The following CPNE4 variants were observed in gnomAD, a reference collection of about 807,000 sequenced individuals.
CPNE4 encodes copine-4.
A neutral mutation model predicts 67.9 loss-of-function variants in CPNE4; 25 were observed. The ratio of observed to expected loss-of-function variants is 0.37; its 90% confidence interval spans 0.27 to 0.51. The LOEUF is 0.51. Among genes scored for constraint, CPNE4 ranks in the 20% least tolerant of loss-of-function variants. The pLI, the probability that CPNE4 is intolerant of heterozygous loss-of-function variation, is 0.93. For missense variants in CPNE4, 464 were observed against 690.8 expected, an observed-to-expected ratio of 0.67 and a Z score of 3.68; for synonymous variants, 242 against 244.9, an observed-to-expected ratio of 0.99 and a Z score of 0.11.
rs558631046 is a variant in CPNE4 at position 131,664,175 on chromosome 3, A to C, written c.681+5500T>G. ...TCAGGGTGCTTATATGGTGTTTGTCAAGATTGTTCTGGCATGACAGTTTTC... is the reference window on the plus strand; with the variant it reads ...TCAGGGTGCTTATATGGTGTTTGTCCAGATTGTTCTGGCATGACAGTTTTC... On this transcript the variant is annotated intron_variant, in intron 7 of 15. Coordinates refer to ENST00000429747, the MANE Select transcript of CPNE4 (RefSeq NM_130808.3). 5.9e-5 allele frequency among the ~76,000 whole-genome samples: 9 copies of C among 152,296 alleles called. 1 individual carries two copies. Among genetic ancestry groups the C allele is most frequent in the Admixed American group, 3.3e-4 (5 of 15,274 alleles).
intron 13 of CPNE4, among the ~76,000 whole-genome samples, chr3:131,550,963 A>G (rs1388056491): frequency 6.6e-6 from 1 of 152,108 alleles, no homozygotes; most frequent in Non-Finnish European, 1.5e-5. Flanking sequence ...TCCCACAGCA[A>G]TAATCTCATT....
intron 1 of CPNE4, among the ~76,000 whole-genome samples, chr3:132,005,284 A>G (rs1160647041): frequency 2.1e-5 from 3 of 143,652 alleles, no homozygotes; most frequent in African/African-American, 7.7e-5. Flanking sequence ...GTCACCAAAA[A>G]ACAACAAAAC....
intron 14 of CPNE4, among the ~76,000 whole-genome samples, chr3:131,543,569 A>G (rs1935644123): frequency 6.6e-6 from 1 of 152,232 alleles, no homozygotes; most frequent in Non-Finnish European, 1.5e-5. Flanking sequence ...ATAGAATGCA[A>G]ATTATTTCAT....
At chr3:131,558,020 C>G (rs1936558253) in intron 11 of CPNE4, among the ~76,000 whole-genome samples, 1 of 151,894 alleles carries the variant, frequency 6.6e-6, no homozygotes, top group South Asian at 2.1e-4. Context: ...CTATGGTGTT[C>G]TAGCGTTAAT....
chr3:131,748,850 CTCTT>C (rs1161763373), intron 2 of CPNE4, among the ~76,000 whole-genome samples: 1 of 152,010 alleles, frequency 6.6e-6, no homozygotes, highest in African/African-American at 2.4e-5. Flanking sequence ...TGTGTCTTCT[CTCTT>C]TTTTTATTTC....
intron 1 of CPNE4, among the ~76,000 whole-genome samples, chr3:131,911,546 TGTG>T (rs2088976374): frequency 7.5e-5 from 1 of 13,420 alleles, no homozygotes; most frequent in African/African-American, 2.3e-4. Flanking sequence ...CTCCAAGTTG[TGTG>T]TGTGTGTGTG....
At chr3:131,788,171 T>A (rs1490681309) in intron 2 of CPNE4, among the ~76,000 whole-genome samples, 1 of 151,978 alleles carries the variant, frequency 6.6e-6, no homozygotes, top group Non-Finnish European at 1.5e-5. Flanking sequence ...AACCTCCATA[T>A]ACAAGAAAAA....
At chr3:131,852,586 T>A (rs1032021617) in intron 2 of CPNE4, among the ~76,000 whole-genome samples, 6 of 151,932 alleles carry the variant, frequency 3.9e-5, no homozygotes, top group Non-Finnish European at 7.4e-5. Flanking sequence ...AATAAACATC[T>A]GTTCTGAAGA....
chr3:131,563,879 A>G (rs1936919917), intron 11 of CPNE4, among the ~76,000 whole-genome samples: 1 of 152,068 alleles, frequency 6.6e-6, no homozygotes, highest in Non-Finnish European at 1.5e-5. Flanking sequence ...GATCTTGTTA[A>G]ATGCAGATTC....
chr3:131,851,076 GA>G (rs1342775516), intron 2 of CPNE4, among the ~76,000 whole-genome samples: 3 of 146,060 alleles, frequency 2.1e-5, no homozygotes, highest in Non-Finnish European at 4.5e-5. Flanking sequence ...GGAATGTACT[GA>G]AAAAATGTGC....
chr3:131,801,452 G>GTGTGTATATATATA (rs761978890), intron 2 of CPNE4, among the ~76,000 whole-genome samples: 8 of 53,350 alleles, frequency 1.5e-4, no homozygotes, highest in East Asian at 5.2e-4. Context: ...GTGTGTGTGT[G>GTGTGTATATATATA]TATATATATA....
intron 6 of CPNE4, among the ~76,000 whole-genome samples, chr3:131,683,629 G>T (rs528597609): frequency 6.6e-6 from 1 of 152,114 alleles, no homozygotes; most frequent in African/African-American, 2.4e-5. Context: ...GCACCTGAGG[G>T]GTGGTGCAGG....
At chr3:131,888,032 A>G (rs976890829) in intron 2 of CPNE4, among the ~76,000 whole-genome samples, 6 of 152,166 alleles carry the variant, frequency 3.9e-5, no homozygotes, top group Non-Finnish European at 8.8e-5. Flanking sequence ...TGGCCAATAA[A>G]TTATCCCCAG....
chr3:131,761,242 G>T, intron 2 of CPNE4, among the ~76,000 whole-genome samples: 1 of 143,352 alleles, frequency 7.0e-6, no homozygotes, highest in East Asian at 2.0e-4. Flanking sequence ...TAGAGAAAGG[G>T]TCTGGCTCTG....
At chr3:131,941,473 C>T (rs1242368805) in intron 1 of CPNE4, among the ~76,000 whole-genome samples, 1 of 151,832 alleles carries the variant, frequency 6.6e-6, no homozygotes, top group Non-Finnish European at 1.5e-5. Flanking sequence ...TTTATAAGAG[C>T]TGATTGTTAA....
chr3:131,817,724 GC>G (rs1208446796), intron 2 of CPNE4, among the ~76,000 whole-genome samples: 2 of 152,186 alleles, frequency 1.3e-5, no homozygotes, highest in Admixed American at 6.5e-5. Flanking sequence ...AAGCCAGGGG[GC>G]CCACGAAACA....
intron 2 of CPNE4, among the ~76,000 whole-genome samples, chr3:131,869,140 A>G (rs746645187): frequency 6.6e-6 from 1 of 152,132 alleles, no homozygotes. Context: ...CAACCCCTCC[A>G]TATCAGCTCT....
chr3:131,721,398 C>CT (rs35719411), intron 3 of CPNE4, among the ~76,000 whole-genome samples: 33,298 of 127,926 alleles, frequency 0.26, 4,769 homozygotes, highest in African/African-American at 0.36. Flanking sequence ...ACGGATCTAC[C>CT]TTTTTTTTTT....
At chr3:131,657,728 G>GTC (rs2080013906) in intron 7 of CPNE4, among the ~76,000 whole-genome samples, 1 of 151,020 alleles carries the variant, frequency 6.6e-6, no homozygotes, top group African/African-American at 2.4e-5. Flanking sequence ...GTGTGTGTGT[G>GTC]TGTGTGTGTG....
Sources: gnomAD v4.1 joint callset for allele counts (sites outside exome capture counted in the v4.1 genomes callset) on GRCh38, gnomAD v4.1.1 for gene constraint, MANE v1.5 for transcripts, NCBI Gene and HGNC (gene_info 2026-07-23, HGNC 2026-07-21) for gene names.